Variants in EFCAB13 observed in about 807,000 individuals in gnomAD.
EFCAB13 encodes EF-hand calcium binding domain 13.
A neutral mutation model predicts 110.2 loss-of-function variants in EFCAB13; 91 were observed. The ratio of observed to expected loss-of-function variants is 0.83; its 90% confidence interval spans 0.70 to 0.98. The LOEUF (loss-of-function observed/expected upper bound fraction) is 0.98. Ranked by LOEUF, EFCAB13 falls within the 50% of genes least tolerant of loss-of-function variation. The pLI is 0.00. For synonymous variants in EFCAB13, 323 were observed against 369.9 expected, an observed-to-expected ratio of 0.87 and a Z score of 1.45; for missense variants, 968 against 1,119.4, an observed-to-expected ratio of 0.86 and a Z score of 1.93.
At chr17:47,367,951 A>G (rs1256404467) in intron 10 of EFCAB13, among the ~76,000 whole-genome samples, 1 of 152,158 alleles carries the variant, frequency 6.6e-6, no homozygotes, top group Non-Finnish European at 1.5e-5. Context: ...TTGCATATCC[A>G]AAGGGGATGT....
intron 4 of EFCAB13, among the ~76,000 whole-genome samples, chr17:47,329,568 CTG>C (rs935235412): frequency 6.6e-6 from 1 of 152,104 alleles, no homozygotes; most frequent in African/African-American, 2.4e-5. Context: ...CCCTTATAAA[CTG>C]ATTTTGAAGA....
chr17:47,375,566 G>A (rs1567791884), intron 12 of EFCAB13, among the ~76,000 whole-genome samples: 1 of 151,902 alleles, frequency 6.6e-6, no homozygotes, highest in South Asian at 2.1e-4. Flanking sequence ...AAGGATCTGC[G>A]ATTACAGGCA....
intron 10 of EFCAB13, among the ~76,000 whole-genome samples, chr17:47,367,174 A>G (rs1318156881): frequency 6.6e-6 from 1 of 152,234 alleles, no homozygotes; most frequent in Non-Finnish European, 1.5e-5. Flanking sequence ...ACCAAAATGT[A>G]GGAAGCAATC....
intron 10 of EFCAB13, among the ~76,000 whole-genome samples, chr17:47,362,996 G>T (rs2065524832): frequency 6.6e-6 from 1 of 152,110 alleles, no homozygotes; most frequent in Non-Finnish European, 1.5e-5. Context: ...TCTTTGTCTT[G>T]TGTCTTTATT....
intron 24 of EFCAB13, among the ~76,000 whole-genome samples, chr17:47,432,771 T>C (rs960950781): frequency 6.6e-6 from 1 of 152,200 alleles, no homozygotes; most frequent in African/African-American, 2.4e-5. Context: ...TGTATCCTTA[T>C]ATTTTAGATG....
At chr17:47,420,644 G>A (rs552037013) in intron 23 of EFCAB13, among the ~76,000 whole-genome samples, 82 of 149,428 alleles carry the variant, frequency 5.5e-4, no homozygotes, top group South Asian at 1.5e-3. Context: ...CCGCGACCCC[G>A]TGTGGGAGGT....
intron 14 of EFCAB13, among the ~76,000 whole-genome samples, chr17:47,382,126 T>C (rs987453339): frequency 6.6e-6 from 1 of 152,192 alleles, no homozygotes; most frequent in African/African-American, 2.4e-5. Flanking sequence ...CAACTGTAAA[T>C]GGGAGTTCAC....
At chr17:47,409,865 T>A (rs567951722) in intron 21 of EFCAB13, among the ~76,000 whole-genome samples, 174 bp downstream of exon 21, 1 of 152,264 alleles carries the variant, frequency 6.6e-6, no homozygotes, top group Admixed American at 6.5e-5. Context: ...TCTTCAAACA[T>A]TTCCTGTTAT....
chr17:47,325,094 C>A (rs995329141), intron 2 of EFCAB13, among the ~76,000 whole-genome samples: 11 of 145,244 alleles, frequency 7.6e-5, no homozygotes, highest in Non-Finnish European at 4.5e-5. Flanking sequence ...AATCATAGCC[C>A]ACTGCAGCTT....
At chr17:47,369,699 A>G (rs1166385516) in intron 10 of EFCAB13, 1 of 152,348 alleles carries the variant, frequency 6.6e-6, no homozygotes, top group Non-Finnish European at 1.5e-5. Flanking sequence ...ATAGATAAGT[A>G]AATTTTCAGT....
Position 47,440,923 on chromosome 17 carries a change from A to G in EFCAB13, c.*209A>G. 5 of 383,184 alleles carry G rather than the reference A, an allele frequency of 1.3e-5. No individual in the cohort carries two copies. Among genetic ancestry groups the G allele is most frequent in the Non-Finnish European group, 1.4e-5 (3 of 216,256 alleles). 23.7% of individuals were successfully genotyped at this position (383,184 alleles called of 1,614,324 possible). A position where few individuals can be genotyped will look rare whatever the true frequency, so the allele number is the denominator to read the frequency against. ...TCATGCTTTTTGAGGTATAATGTAC[A>G]TATGGCAAAATTCACTCTTTTTAGG... On this transcript the variant is annotated 3_prime_UTR_variant, in exon 25 of 25. Transcript: ENST00000331493.
intron 4 of EFCAB13, among the ~76,000 whole-genome samples, chr17:47,334,312 T>C (rs547389937): frequency 1.6e-4 from 25 of 152,314 alleles, no homozygotes; most frequent in Admixed American, 2.6e-4. Flanking sequence ...AATTGAGTTC[T>C]TTTTTATTAT....
intron 22 of EFCAB13, 145 bp from the exon 23 acceptor site, chr17:47,414,703 G>C: frequency 1.6e-6 from 1 of 644,234 alleles, no homozygotes; most frequent in Non-Finnish European, 2.8e-6. Context: ...AGTGTTAAAA[G>C]TTCTATTGAA....
Position 47,377,915 on chromosome 17 carries a change from A to G in EFCAB13, c.1510+12A>G, listed in dbSNP as rs2065625311. ...CACTAGTAGAAATGGTGAGAGACTGATAACACTGAAGTTTCTGAGAAAGTT... is the reference window on the plus strand; with the variant it reads ...CACTAGTAGAAATGGTGAGAGACTGGTAACACTGAAGTTTCTGAGAAAGTT... On this transcript the variant is annotated intron_variant, in intron 13 of 24. Coordinates refer to ENST00000331493, the MANE Select transcript of EFCAB13 (RefSeq NM_152347.5). The G allele has an allele frequency of 1.9e-6, 3 of 1,565,124 alleles. No individual in the cohort carries two copies. Among genetic ancestry groups the G allele is most frequent in the African/African-American group, 1.4e-5 (1 of 71,684 alleles).
intron 5 of EFCAB13, 70 bp from the exon 6 acceptor site, chr17:47,341,851 C>G: frequency 1.1e-6 from 1 of 898,782 alleles, no homozygotes; most frequent in Non-Finnish European, 1.7e-6. Context: ...TAGAAAATTT[C>G]CATAATTAAA....
intron 9 of EFCAB13, among the ~76,000 whole-genome samples, chr17:47,357,951 C>T (rs975240774): frequency 8.5e-5 from 13 of 152,136 alleles, no homozygotes; most frequent in Non-Finnish European, 1.8e-4. Context: ...CTTGATTTTT[C>T]AAGTCCTGGT....
At chr17:47,367,906 A>G (rs2065557305) in intron 10 of EFCAB13, among the ~76,000 whole-genome samples, 1 of 152,166 alleles carries the variant, frequency 6.6e-6, no homozygotes, top group Non-Finnish European at 1.5e-5. Context: ...ACAAAGTCAC[A>G]GTTGTTCTAG....
At chr17:47,412,157 ATT>A (rs1242732077) in intron 21 of EFCAB13, among the ~76,000 whole-genome samples, 1 of 152,222 alleles carries the variant, frequency 6.6e-6, no homozygotes, top group Non-Finnish European at 1.5e-5. Context: ...TATGTTTTAT[ATT>A]TTAAATTGGT....
chr17:47,369,226 G>A (rs1158382354), intron 10 of EFCAB13, among the ~76,000 whole-genome samples: 1 of 152,160 alleles, frequency 6.6e-6, no homozygotes, highest in African/African-American at 2.4e-5. Context: ...GTTTTATTTT[G>A]CTTGTTGAAC....
Sources: allele counts gnomAD v4.1 joint callset (sites outside exome capture counted in the v4.1 genomes callset), GRCh38; gene constraint gnomAD v4.1.1; transcripts MANE v1.5; gene names NCBI Gene and HGNC (gene_info 2026-07-23, HGNC 2026-07-21).